Variants in ZFHX3 observed in about 807,000 individuals in gnomAD.
ZFHX3 encodes zinc finger homeobox protein 3.
In ZFHX3, 42 loss-of-function variants were observed where a neutral mutation model predicts 279.1. The ratio of observed to expected loss-of-function variants is 0.15; its 90% CI spans 0.12 to 0.19. ZFHX3 has a LOEUF of 0.19. ZFHX3 is among the 10% of genes least tolerant of loss of function. The probability of loss-of-function intolerance (pLI) is 1.00; values close to 1 mark genes in which losing one functional copy is unlikely to be tolerated. For synonymous variants in ZFHX3, 2,293 were observed against 1,957.8 expected (o/e 1.17, Z -4.52); for missense variants, 4,981 against 4,754.0 (o/e 1.05, Z -1.40).
Position 73,014,518 on chromosome 16 carries a change from C to CTTTTTTTTTTTT in ZFHX3, c.-50+33222_-50+33233dup, listed in dbSNP as rs1000108439. 6.3e-5 allele frequency: 4 copies of CTTTTTTTTTTTT among 63,364 alleles called. 1 individual carries two copies. Among genetic ancestry groups the CTTTTTTTTTTTT allele is most frequent in the African/African-American group, 1.9e-4 (3 of 15,938 alleles). The allele number at this position is 63,364 out of a possible 1,614,324, so 3.9% of individuals were successfully genotyped here. A position where few individuals can be genotyped will look rare whatever the true frequency, so the allele number is the denominator to read the frequency against. On this transcript the variant is annotated intron_variant, in intron 1 of 9. Coordinates refer to ENST00000268489, the MANE Select transcript of ZFHX3 (RefSeq NM_006885.4). ...AACAAGTTTGTGGTAATTTCTTCTT[C>CTTTTTTTTTTTT]TTTTTTTTTTTTTTTTTTTTTTTTT... is the stretch of plus-strand genomic sequence containing the variant.
intron 8 of ZFHX3, among the ~76,000 whole-genome samples, chr16:73,070,590 G>A (rs963403741): frequency 1.3e-5 from 2 of 152,178 alleles, no homozygotes; most frequent in Non-Finnish European, 2.9e-5. Flanking sequence ...AGAGGAAAGG[G>A]TGAAGCGGGA....
intron 2 of ZFHX3, among the ~76,000 whole-genome samples, chr16:73,589,582 T>C (rs1160827473): frequency 6.7e-6 from 1 of 150,244 alleles, no homozygotes; most frequent in Non-Finnish European, 1.5e-5. Context: ...ACACAAAAAT[T>C]AGCTGGGCAT....
chr16:73,538,771 A>C (rs2019954806), intron 2 of ZFHX3, among the ~76,000 whole-genome samples: 2 of 152,218 alleles, frequency 1.3e-5, no homozygotes, highest in Admixed American at 1.3e-4. Context: ...AAAAGTGAAC[A>C]GATAGATCTG....
At chr16:73,539,637 T>TAA (rs1168287749) in intron 2 of ZFHX3, among the ~76,000 whole-genome samples, 1 of 151,810 alleles carries the variant, frequency 6.6e-6, no homozygotes, top group Non-Finnish European at 1.5e-5. Flanking sequence ...ACATGGACAA[T>TAA]AAAAGAAGAA....
chr16:73,636,091 T>A (rs2052524887), intron 2 of ZFHX3, among the ~76,000 whole-genome samples: 1 of 152,212 alleles, frequency 6.6e-6, no homozygotes, highest in Admixed American at 6.5e-5. Context: ...ATGAGTGAAC[T>A]TATCCATTCC....
chr16:73,585,225 G>A (rs1023802166), intron 2 of ZFHX3, among the ~76,000 whole-genome samples: 1 of 152,168 alleles, frequency 6.6e-6, no homozygotes, highest in Non-Finnish European at 1.5e-5. Flanking sequence ...AGACTATCCT[G>A]GCCAACATGG....
intron 3 of ZFHX3, among the ~76,000 whole-genome samples, chr16:73,428,372 G>C (rs761756797): frequency 1.6e-4 from 25 of 152,140 alleles, no homozygotes; most frequent in Non-Finnish European, 2.6e-4. Flanking sequence ...CATTCTGGCA[G>C]CCTGCATCGG....
At chr16:73,463,903 T>C (rs1257604699) in intron 2 of ZFHX3, among the ~76,000 whole-genome samples, 3 of 152,252 alleles carry the variant, frequency 2.0e-5, no homozygotes. Flanking sequence ...TTTCTTGTTC[T>C]GACTCCTTTT....
intron 1 of ZFHX3, among the ~76,000 whole-genome samples, chr16:73,030,389 G>A (rs946036860): frequency 5.3e-5 from 8 of 152,208 alleles, no homozygotes; most frequent in African/African-American, 1.9e-4. Context: ...CCAGTTCCAT[G>A]GAAGGAGAGC....
intron 2 of ZFHX3, among the ~76,000 whole-genome samples, chr16:73,645,507 T>C (rs998638402): frequency 3.3e-5 from 5 of 152,296 alleles, no homozygotes; most frequent in South Asian, 2.1e-4. Flanking sequence ...CTGCCCGCCT[T>C]GGCCTCCCAA....
At chr16:72,998,706 T>C (rs1340747967) in intron 1 of ZFHX3, among the ~76,000 whole-genome samples, 1 of 152,214 alleles carries the variant, frequency 6.6e-6, no homozygotes, top group Non-Finnish European at 1.5e-5. Flanking sequence ...CCCACTGTAA[T>C]AATTCATGCT....
chr16:73,641,146 C>G (rs1458262943), intron 2 of ZFHX3, among the ~76,000 whole-genome samples: 2 of 152,140 alleles, frequency 1.3e-5, no homozygotes, highest in African/African-American at 4.8e-5. Flanking sequence ...GTTAAGTTCT[C>G]AAGACATTTA....
At chr16:73,678,419 T>C (rs916191650) in intron 2 of ZFHX3, among the ~76,000 whole-genome samples, 2 of 152,196 alleles carry the variant, frequency 1.3e-5, no homozygotes, top group Non-Finnish European at 2.9e-5. Flanking sequence ...ACAATGGCTA[T>C]TTCTCCATAA....
chr16:72,866,862 G>A (rs939907969), intron 4 of ZFHX3, among the ~76,000 whole-genome samples: 5 of 152,080 alleles, frequency 3.3e-5, no homozygotes, highest in Admixed American at 6.5e-5. Flanking sequence ...CAAACCCACC[G>A]ACCTGCAGTT....
chr16:73,127,472 G>C lies in ZFHX3; in HGVS notation c.-897+3496C>G, dbSNP rs750300006. On this transcript the variant is annotated intron_variant, in intron 7 of 17. Transcript: ENST00000641206. ...AGACATCAAGCGAGAGCCGGGCATC[G>C]ACAGGCAAGATCACTGGTCCCTGGT... 11 of 1,305,422 alleles carry C rather than the reference G, an allele frequency of 8.4e-6. 1 individual carries two copies. In the South Asian group the frequency reaches 1.4e-4, roughly 16 times the overall value. 80.9% of individuals were successfully genotyped at this position (1,305,422 alleles called of 1,614,324 possible).
intron 8 of ZFHX3, among the ~76,000 whole-genome samples, chr16:73,069,578 GTT>G (rs945784898): frequency 6.7e-6 from 1 of 148,988 alleles, no homozygotes; most frequent in Admixed American, 6.6e-5. Flanking sequence ...ATGAAAGGTG[GTT>G]TTGTTTTATT....
chr16:73,540,959 A>T (rs903183066), intron 2 of ZFHX3, among the ~76,000 whole-genome samples: 1 of 152,088 alleles, frequency 6.6e-6, no homozygotes, highest in Non-Finnish European at 1.5e-5. Context: ...ATGCTCTTTT[A>T]GAATAGATGG....
At position 73,415,828 on chromosome 16, in the gene ZFHX3, G is replaced by C. The variant is rs149806618; in HGVS notation, c.-1291+40175C>G. ...GGGCTTAGAGATGGCATTTTCAGAA[G>C]AGAAAATGGGGCTGGGCACAGTGGC... On this transcript the variant is annotated intron_variant, in intron 3 of 17. Coordinates refer to the ZFHX3 transcript ENST00000641206. 3.3e-4 allele frequency among the ~76,000 whole-genome samples: 51 copies of C among 152,252 alleles called. No individual in the cohort carries two copies. The East Asian group carries it at 9.9e-3, about 29-fold the overall frequency.
rs57537362 is a variant in ZFHX3 at position 72,961,884 on chromosome 16, T to TAAACC, written c.-49-1695_-49-1691dup. On this transcript the variant is annotated intron_variant, in intron 1 of 9. Transcript: ENST00000268489. Reference sequence around the variant, plus strand: ...TGACTTAAAACAGAGATGACTACAGTAAACCAAACCAAACCAAACCAAACC... The same window carrying TAAACC: ...TGACTTAAAACAGAGATGACTACAGTAAACCAAACCAAACCAAACCAAACCAAACC... 5.2e-3 allele frequency among the ~76,000 whole-genome samples: 774 copies of TAAACC among 149,854 alleles called. 7 individuals are homozygous for TAAACC. Among genetic ancestry groups the TAAACC allele is most frequent in the African/African-American group, 0.016 (664 of 40,638 alleles).
Sources: allele counts gnomAD v4.1 joint callset (sites outside exome capture counted in the v4.1 genomes callset), GRCh38; gene constraint gnomAD v4.1.1; transcripts MANE v1.5; gene names NCBI Gene and HGNC (gene_info 2026-07-23, HGNC 2026-07-21).